KNDC1: variants seen among roughly 807,000 people sequenced by gnomAD.
KNDC1 encodes kinase non-catalytic C-lobe domain containing 1.
A neutral mutation model predicts 172.8 loss-of-function variants in KNDC1; 106 were observed. The observed-to-expected ratio is 0.61, with a 90% CI of 0.52 to 0.72. The LOEUF (loss-of-function observed/expected upper bound fraction) is 0.72, where lower values mean the gene tolerates loss of function less well. KNDC1 is among the 30% of genes least tolerant of loss of function. The probability of loss-of-function intolerance (pLI) is 0.00; values close to 1 mark genes in which losing one functional copy is unlikely to be tolerated. For missense variants in KNDC1, 2,325 were observed against 2,394.5 expected, an observed-to-expected ratio of 0.97 and a Z score of 0.61; for synonymous variants, 1,083 against 1,062.2, an observed-to-expected ratio of 1.02 and a Z score of -0.38.
intron 17 of KNDC1, among the ~76,000 whole-genome samples, chr10:133,204,523 G>A (rs962611537): frequency 2.6e-5 from 4 of 152,232 alleles, no homozygotes; most frequent in East Asian, 1.9e-4. Flanking sequence ...CCACACTGCC[G>A]TAGCGGGGAG....
At position 133,197,076 on chromosome 10, in the gene KNDC1, C is replaced by G. The variant is rs1206385411; in HGVS notation, c.1753C>G (p.Leu585Val). Residue 585 changes from leucine (L) to valine (V), a missense_variant, in exon 11 of 30, where the codon CTC (leucine) becomes GTC (valine). By Grantham distance (32) the Leu-to-Val change is conservative. Coordinates refer to ENST00000304613, the MANE Select transcript of KNDC1 (RefSeq NM_152643.8). ...CCTCCAGGTGTGCGGCAGCTACCTCCTCCAGCGAGGCATGGACAGCCGGAA... is the reference window on the plus strand; with the variant it reads ...CCTCCAGGTGTGCGGCAGCTACCTCGTCCAGCGAGGCATGGACAGCCGGAA... ...EAIKVCGSYL[L>V]QRGMDSRKIL... 3.1e-6 allele frequency: 5 copies of G among 1,613,046 alleles called. No homozygotes were observed. The highest frequency in any genetic ancestry group is 4.2e-6 in the Non-Finnish European group (5 of 1,179,820).
intron 11 of KNDC1, among the ~76,000 whole-genome samples, chr10:133,197,425 G>A (rs944353613): frequency 5.3e-5 from 8 of 152,176 alleles, no homozygotes; most frequent in Admixed American, 1.3e-4. Context: ...CCTGAGTCTC[G>A]GGTGGTGCTG....
rs531997846 is a variant in KNDC1 at position 133,195,981 on chromosome 10, C to T, written c.1734+160C>T. On this transcript the variant is annotated intron_variant, in intron 10 of 29. Transcript: ENST00000304613. ...CCCTGTTTCTAGACGTCGGCCTGGC[C>T]GTCGCATGGGGAAGGGAGTGGGTTT... Among the ~76,000 whole-genome samples the T allele has an allele frequency of 7.2e-5, 11 of 152,328 alleles. No individual in the cohort carries two copies. In the South Asian group the frequency reaches 1.4e-3, roughly 20 times the overall value.
chr10:133,222,113 C>A (rs1294579854), intron 29 of KNDC1, among the ~76,000 whole-genome samples: 1 of 150,396 alleles, frequency 6.6e-6, no homozygotes, highest in African/African-American at 2.4e-5. Context: ...GAAACCCCAT[C>A]TCTACTAAAA....
intron 3 of KNDC1, among the ~76,000 whole-genome samples, chr10:133,182,665 AAAAG>A (rs1853752212): frequency 6.6e-6 from 1 of 152,246 alleles, no homozygotes; most frequent in Admixed American, 6.5e-5. Flanking sequence ...CTCTCAAACA[AAAAG>A]AAAAACCCAT....
Position 133,199,608 on chromosome 10 carries a change from TGCCCAGTTCG to T in KNDC1, c.2903+11_2903+20del. 6.2e-7 allele frequency: 1 copy of T among 1,612,660 alleles called. No individual in the cohort carries two copies. The highest frequency in any genetic ancestry group is 1.1e-5 in the South Asian group (1 of 91,016). ...CAGGCGTCACCCTCCCCAAGGTGGG[TGCCCAGTTCG>T]GCCCTGCATTCCCGCCCCTCCCTGA... On this transcript the variant is annotated splice_region_variant and intron_variant, in intron 15 of 29. Coordinates refer to ENST00000304613, the MANE Select transcript of KNDC1 (RefSeq NM_152643.8).
At chr10:133,215,971 C>A (rs1300783429) in intron 26 of KNDC1, among the ~76,000 whole-genome samples, 2 of 152,214 alleles carry the variant, frequency 1.3e-5, no homozygotes, top group East Asian at 3.8e-4. Flanking sequence ...CGGACCTCGC[C>A]GGAGACCCAC....
At chr10:133,207,078 G>A (rs1845217313) in intron 19 of KNDC1, 59 bp from the exon 20 acceptor site, 4 of 1,541,010 alleles carry the variant, frequency 2.6e-6, no homozygotes, top group Non-Finnish European at 3.5e-6. Context: ...AGGGTCCAAT[G>A]CCAGGAAGCC....
Position 133,167,461 on chromosome 10 carries a change from G to A in KNDC1, c.183G>A (p.Glu61=), listed in dbSNP as rs1374937449. 1 of 1,606,402 alleles carries A rather than the reference G, an allele frequency of 6.2e-7. No homozygotes were observed. The highest frequency in any genetic ancestry group is 1.3e-5 in the African/African-American group (1 of 74,890). ...SEQEAWAVCL[E]CSLSMRSVAH... is the part of the protein sequence containing the mutation. The stretch of plus-strand genomic sequence containing the variant: ...AGGAAGCCTGGGCCGTGTGCCTGGA[G>A]TGCAGCCTGTCCATGCGGAGCGTGG... Residue 61 remains glutamate, a synonymous_variant, in exon 2 of 30, where the codon GAG becomes GAA. Coordinates refer to ENST00000304613, the MANE Select transcript of KNDC1 (RefSeq NM_152643.8).
rs1197670531 is a variant in KNDC1, at chr10:133,188,734, C to T, written c.1441+81C>T. On this transcript the variant is annotated intron_variant, in intron 7 of 29. Coordinates refer to ENST00000304613, the MANE Select transcript of KNDC1 (RefSeq NM_152643.8). ...ACCCCCCACCGCCGTCCCACACCCC[C>T]GCCGTCCCACCCCCCACACCGTCCC... 5.8e-5 allele frequency: 35 copies of T among 599,062 alleles called. No homozygotes were observed. In the African/African-American group the frequency reaches 8.1e-4, roughly 14 times the overall value. 37.1% of individuals were successfully genotyped at this position (599,062 alleles called of 1,614,324 possible).
Position 133,199,280 on chromosome 10 carries a change from G to A in KNDC1, c.2758+14G>A, listed in dbSNP as rs746708531. The A allele has an allele frequency of 1.4e-5, 22 of 1,543,740 alleles. No individual in the cohort carries two copies. The highest frequency in any genetic ancestry group is 6.1e-5 in the South Asian group (5 of 81,568). ...CTCTGATCATGGGTACGTGGGGGCC[G>A]CAGACGCCCCAGAGGAGGCCCGGGC... is the stretch of plus-strand genomic sequence containing the variant. On this transcript the variant is annotated intron_variant, in intron 14 of 29. Transcript: ENST00000304613.
At chr10:133,214,817 C>T (rs1439421111) in intron 26 of KNDC1, among the ~76,000 whole-genome samples, 2 of 152,242 alleles carry the variant, frequency 1.3e-5, no homozygotes, top group African/African-American at 4.8e-5. Context: ...CCTGACCTGC[C>T]CCACCTGCTG....
At chr10:133,184,021 C>A in intron 5 of KNDC1, 32 bp downstream of exon 5, 1 of 1,204,706 alleles carries the variant, frequency 8.3e-7, no homozygotes, top group Non-Finnish European at 1.2e-6. Context: ...CGTGCATCCT[C>A]ATGCACATAT....
rs1451739891 is a variant in KNDC1 at position 133,198,755 on chromosome 10, A to G, written c.2247A>G (p.Ser749=). The G allele has an allele frequency of 6.3e-7, 1 of 1,583,840 alleles. No homozygotes were observed. ...CAGCCCCAGAGCCTCTTGGGGCGTC[A>G]GTGCAGCGTGACTCAGCCCAGGGCC... ...QGAAPEPLGA[S]VQRDSAQGRP... The change falls in exon 14 of 30, where the codon TCA becomes TCG. Residue 749 remains serine (S), a synonymous_variant. Coordinates refer to ENST00000304613, the MANE Select transcript of KNDC1 (RefSeq NM_152643.8).
At chr10:133,202,100 G>T in intron 17 of KNDC1, 2 of 716,726 alleles carry the variant, frequency 2.8e-6, no homozygotes, top group Non-Finnish European at 5.0e-6. Flanking sequence ...GGACAGGCTC[G>T]TCTGCACTGG....
At chr10:133,188,430 T>A (rs1460663084) in intron 6 of KNDC1, 109 bp from the exon 7 acceptor site, 3 of 684,764 alleles carry the variant, frequency 4.4e-6, no homozygotes, top group Non-Finnish European at 7.6e-6. Context: ...GGGCGCCTAC[T>A]CAGGGGCTGA....
chr10:133,211,476 C>T lies in KNDC1; in HGVS notation c.3963C>T (p.Cys1321=), dbSNP rs372197149. 4.0e-5 allele frequency: 64 copies of T among 1,613,794 alleles called. No homozygotes were observed. The highest frequency in any genetic ancestry group is 3.9e-5 in the Non-Finnish European group (46 of 1,179,892). ...TFTKIYRRSL[C]VLQAWVEDCY... is the part of the protein sequence containing the mutation. The stretch of plus-strand genomic sequence containing the variant: ...CCAAGATCTACAGGCGGAGCCTCTG[C>T]GTCCTGCAGGCCTGGGTGGAGGACT... Residue 1321 remains cysteine, a synonymous_variant, in exon 22 of 30, where the codon TGC becomes TGT. Transcript: ENST00000304613.
chr10:133,184,139 ACACACACCCATG>A, intron 5 of KNDC1, 150 bp downstream of exon 5: 1 of 484,290 alleles, frequency 2.1e-6, no homozygotes, highest in Non-Finnish European at 3.7e-6. Context: ...CACACATGCC[ACACACACCCATG>A]CACACACACT....
chr10:133,180,388 AC>A (rs1853681529), intron 3 of KNDC1, among the ~76,000 whole-genome samples: 1 of 152,142 alleles, frequency 6.6e-6, no homozygotes, highest in Non-Finnish European at 1.5e-5. Flanking sequence ...CCATGCAGAG[AC>A]CTGGAGATGT....
Sources: allele counts gnomAD v4.1 joint callset (sites outside exome capture counted in the v4.1 genomes callset), GRCh38; gene constraint gnomAD v4.1.1; transcripts MANE v1.5; gene names NCBI Gene and HGNC (gene_info 2026-07-23, HGNC 2026-07-21).